Variants in WTAP observed in about 807,000 individuals in gnomAD.
The protein encoded by WTAP is pre-mRNA-splicing regulator WTAP.
WTAP carries 8 observed loss-of-function variants against 50.0 expected under a neutral mutation model. The ratio of observed to expected loss-of-function variants is 0.16; its 90% CI spans 0.09 to 0.29. WTAP has a LOEUF of 0.29. Ranked by LOEUF, WTAP falls within the 10% of genes least tolerant of loss-of-function variation. The pLI is 1.00. For synonymous variants in WTAP, 194 were observed against 169.0 expected (o/e 1.15, Z -1.15); for missense variants, 295 against 470.7 (o/e 0.63, Z 3.45).
intron 6 of WTAP, chr6:159,749,252 G>A (rs1212538352): frequency 9.9e-5 from 98 of 985,640 alleles, no homozygotes; most frequent in Non-Finnish European, 1.2e-4. Context: ...GCTGTGATGA[G>A]ACTCACTGCA....
At chr6:159,744,136 A>G (rs779307757) in intron 5 of WTAP, among the ~76,000 whole-genome samples, 1 of 152,214 alleles carries the variant, frequency 6.6e-6, no homozygotes, top group East Asian at 1.9e-4. Context: ...TGATTAGGAA[A>G]GCCATCTGAG....
rs766174051 is a variant in WTAP at position 159,742,054 on chromosome 6, C to T, written c.87-34C>T. On this transcript the variant is annotated intron_variant, in intron 3 of 7. Transcript: ENST00000621533. ...TAGTTTATTTAATAAACTATTTTAT[C>T]GTAACAACTAATGTATGGATTTTTT... 32 of 1,440,666 alleles carry T rather than the reference C, an allele frequency of 2.2e-5. No individual in the cohort carries two copies. In the African/African-American group the frequency reaches 2.7e-4, roughly 12 times the overall value. The allele number at this position is 1,440,666 out of a possible 1,614,324, so 89.2% of individuals were successfully genotyped here. A position where few individuals can be genotyped will look rare whatever the true frequency, so the allele number is the denominator to read the frequency against.
chr6:159,755,749 GTTTTTTTTTTCTTTTCTTTTTTTTTTT>G lies in WTAP; in HGVS notation c.*149_*175del. 2 of 317,906 alleles carry G rather than the reference GTTTTTTTTTTCTTTTCTTTTTTTTTTT, an allele frequency of 6.3e-6. No homozygotes were observed. Among genetic ancestry groups the G allele is most frequent in the Non-Finnish European group, 8.0e-6 (2 of 249,934 alleles). 19.7% of individuals were successfully genotyped at this position (317,906 alleles called of 1,614,324 possible). ...TTTTTTTTTGTTGTTTTTTTTCTTTGTTTTTTTTTTCTTTTCTTTTTTTTTTTTTTTTTTTTTTTTTGCTTCAATACT... is the reference window on the plus strand; with the variant it reads ...TTTTTTTTTGTTGTTTTTTTTCTTTGTTTTTTTTTTTTTTGCTTCAATACT... On this transcript the variant is annotated 3_prime_UTR_variant, in exon 8 of 8. Transcript: ENST00000621533.
Position 159,755,361 on chromosome 6 carries a change from C to G in WTAP, c.941C>G (p.Ser314Cys). The G allele has an allele frequency of 6.2e-7, 1 of 1,614,198 alleles. No homozygotes were observed. The highest frequency in any genetic ancestry group is 8.5e-7 in the Non-Finnish European group (1 of 1,180,038). ...PSSPGNGNKS[S>C]NSSEERTGRG... ...TCTCCAGGGAATGGTAATAAGTCCT[C>G]CAACAGCTCAGAGGAGAGAACTGGC... Residue 314 changes from serine to cysteine, a missense_variant, in exon 8 of 8, where the codon TCC (serine) becomes TGC (cysteine). Ser to Cys is a moderately radical substitution (Grantham distance 112). Around this residue, in one of 2 missense-constraint regions of WTAP, gnomAD observed 175 missense variants for 183.1 expected, o/e 0.96. Coordinates refer to ENST00000621533, the MANE Select transcript of WTAP (RefSeq NM_001270531.2).
intron 6 of WTAP, among the ~76,000 whole-genome samples, chr6:159,749,849 A>AT (rs1562465881): frequency 6.6e-6 from 1 of 152,180 alleles, no homozygotes; most frequent in Non-Finnish European, 1.5e-5. Context: ...CTGGAGGTGA[A>AT]TTTTTTCCGT....
chr6:159,749,375 C>G (rs1254450490), intron 6 of WTAP: 5 of 983,964 alleles, frequency 5.1e-6, no homozygotes, highest in Non-Finnish European at 6.0e-6. Flanking sequence ...TGTATTTGGG[C>G]CTTTTGTATT....
intron 1 of WTAP, among the ~76,000 whole-genome samples, chr6:159,734,644 C>T (rs1193449085): frequency 5.9e-5 from 9 of 152,020 alleles, no homozygotes; most frequent in Admixed American, 5.9e-4. Flanking sequence ...GTCCCCATCT[C>T]TTAAGAAAGA....
chr6:159,755,752 T>A lies in WTAP; in HGVS notation c.*141T>A, dbSNP rs1352879763. 8.4e-6 allele frequency: 9 copies of A among 1,074,068 alleles called. No individual in the cohort carries two copies. Among genetic ancestry groups the A allele is most frequent in the Middle Eastern group, 3.6e-4 (1 of 2,764 alleles). The allele number at this position is 1,074,068 out of a possible 1,614,324, so 66.5% of individuals were successfully genotyped here. On this transcript the variant is annotated 3_prime_UTR_variant, in exon 8 of 8. Coordinates refer to ENST00000621533, the MANE Select transcript of WTAP (RefSeq NM_001270531.2). ...TTTTTTGTTGTTTTTTTTCTTTGTT[T>A]TTTTTTTCTTTTCTTTTTTTTTTTT...
intron 1 of WTAP, among the ~76,000 whole-genome samples, chr6:159,732,241 A>G (rs200510625): frequency 6.6e-6 from 1 of 152,228 alleles, no homozygotes; most frequent in Non-Finnish European, 1.5e-5. Context: ...AATAACTTTT[A>G]TAAGCTGGAA....
intron 5 of WTAP, among the ~76,000 whole-genome samples, chr6:159,746,658 T>C (rs1779594868): frequency 3.3e-5 from 5 of 152,246 alleles, no homozygotes; most frequent in Admixed American, 3.3e-4. Flanking sequence ...ATATACTGTA[T>C]TCTTAACTAT....
At position 159,755,765 on chromosome 6, in the gene WTAP, CTTTTTT is replaced by C; in HGVS notation, c.*174_*179del. 307 of 173,112 alleles carry C rather than the reference CTTTTTT, an allele frequency of 1.8e-3. No individual in the cohort carries two copies. Among genetic ancestry groups the C allele is most frequent in the East Asian group, 4.2e-3 (13 of 3,080 alleles). The allele number at this position is 173,112 out of a possible 1,614,324, so 10.7% of individuals were successfully genotyped here. ...TTTTTCTTTGTTTTTTTTTTCTTTT[CTTTTTT>C]TTTTTTTTTTTTTTTTTTTGCTTCA... On this transcript the variant is annotated 3_prime_UTR_variant, in exon 8 of 8. Transcript: ENST00000621533.
At chr6:159,730,338 G>GT (rs1369809046) in intron 1 of WTAP, among the ~76,000 whole-genome samples, 1 of 151,992 alleles carries the variant, frequency 6.6e-6, no homozygotes, top group African/African-American at 2.4e-5. Context: ...TGGTCATTCT[G>GT]TTTTTCTGAT....
Position 159,755,265 on chromosome 6 carries a change from C to T in WTAP, c.845C>T (p.Ser282Phe). The change falls in exon 8 of 8, where the codon TCC (serine) becomes TTC (phenylalanine). Residue 282 changes from serine to phenylalanine, a missense_variant. Transcript: ENST00000621533. Reference sequence around the variant, plus strand: ...ACAAACGGACCAAGTAATGGTAGCTCCTCCCGCCAGAGGACGTCTGGGTCT... The same window carrying T: ...ACAAACGGACCAAGTAATGGTAGCTTCTCCCGCCAGAGGACGTCTGGGTCT... Reference protein sequence around the residue: ...RLTNGPSNGSSSRQRTSGSGF... With the variant: ...RLTNGPSNGSFSRQRTSGSGF... 2 of 1,614,180 alleles carry T rather than the reference C, an allele frequency of 1.2e-6. No individual in the cohort carries two copies. Among genetic ancestry groups the T allele is most frequent in the Non-Finnish European group, 1.7e-6 (2 of 1,180,038 alleles).
chr6:159,745,861 G>A (rs910926915), intron 5 of WTAP, among the ~76,000 whole-genome samples: 1 of 152,148 alleles, frequency 6.6e-6, no homozygotes, highest in South Asian at 2.1e-4. Context: ...GGACAGAATA[G>A]GTGTTTTGGA....
chr6:159,754,304 A>G (rs13202042), intron 7 of WTAP, among the ~76,000 whole-genome samples: 71,009 of 152,040 alleles, frequency 0.47, 18,638 homozygotes, highest in Non-Finnish European at 0.58. Flanking sequence ...GTCCTTTTAT[A>G]TGTAACAGTC....
At chr6:159,727,795 C>T (rs1320062603) in intron 1 of WTAP, 92 bp downstream of exon 1, 3 of 925,986 alleles carry the variant, frequency 3.2e-6, no homozygotes, top group African/African-American at 1.8e-5. Flanking sequence ...AAGGGGCGGG[C>T]AGGGCCCGAA....
chr6:159,743,764 C>G lies in WTAP; in HGVS notation c.245C>G (p.Thr82Ser), dbSNP rs150215853. ...RENILVMRLATKEQEMQECTT... is the reference protein window; with the variant it reads ...RENILVMRLASKEQEMQECTT... ...AACATCCTTGTAATGCGACTAGCAA[C>G]CAAGGAACAAGAGATGCAAGAGTGT... is the stretch of plus-strand genomic sequence containing the variant. Residue 82 changes from threonine (T) to serine (S), a missense_variant, in exon 5 of 8, where the codon ACC becomes AGC. Thr to Ser is a moderately conservative substitution (Grantham distance 58, BLOSUM62 1). This residue lies in a region of WTAP where 120 missense variants were observed against 287.6 expected (regional missense o/e 0.42). Transcript: ENST00000621533. 318 of 1,612,462 alleles carry G rather than the reference C, an allele frequency of 2.0e-4. No homozygotes were observed. The highest frequency in any genetic ancestry group is 2.6e-4 in the Non-Finnish European group (304 of 1,179,340).
At chr6:159,728,345 C>T (rs1049257938) in intron 1 of WTAP, among the ~76,000 whole-genome samples, 3 of 151,872 alleles carry the variant, frequency 2.0e-5, no homozygotes. Flanking sequence ...ATAAGAAAGT[C>T]ACTTGGTTGT....
rs140514215 is a variant in WTAP at position 159,753,842 on chromosome 6, T to C, written c.607+228T>C. Reference sequence around the variant, plus strand: ...TCTTTATTGTTCAAAATTTCTTACATTTTTGTTTTTAGTTGGGGGTAGGAT... The same window carrying C: ...TCTTTATTGTTCAAAATTTCTTACACTTTTGTTTTTAGTTGGGGGTAGGAT... On this transcript the variant is annotated intron_variant, in intron 7 of 7. Transcript: ENST00000621533. 5.2e-3 allele frequency among the ~76,000 whole-genome samples: 798 copies of C among 152,318 alleles called. 5 individuals are homozygous for C. Among genetic ancestry groups the C allele is most frequent in the African/African-American group, 0.017 (698 of 41,562 alleles).
Sources: gnomAD v4.1 joint callset for allele counts (sites outside exome capture counted in the v4.1 genomes callset) on GRCh38, gnomAD v4.1.1 for gene constraint, gnomAD v4.1.1 regional missense constraint, MANE v1.5 for transcripts, NCBI Gene and HGNC (gene_info 2026-07-23, HGNC 2026-07-21) for gene names.